Variants in ZNF827 observed in about 807,000 individuals in gnomAD.
ZNF827 encodes zinc finger protein 827.
ZNF827 carries 13 observed loss-of-function variants against 102.4 expected under a neutral mutation model. The ratio of observed to expected loss-of-function variants is 0.13; its 90% CI spans 0.08 to 0.20. The LOEUF (loss-of-function observed/expected upper bound fraction) is 0.20, where lower values mean the gene tolerates loss of function less well. Ranked by LOEUF, ZNF827 falls within the 10% of genes least tolerant of loss-of-function variation. The pLI is 1.00. For missense variants in ZNF827, 1,103 were observed against 1,344.4 expected, an observed-to-expected ratio of 0.82 and a Z score of 2.81; for synonymous variants, 523 against 536.2, an observed-to-expected ratio of 0.98 and a Z score of 0.34.
At chr4:145,897,366 G>A (rs182154086) in intron 2 of ZNF827, among the ~76,000 whole-genome samples, 12 of 152,176 alleles carry the variant, frequency 7.9e-5, no homozygotes, top group African/African-American at 2.4e-4. Context: ...GTGATTTGCA[G>A]CAAGTCAATA....
intron 7 of ZNF827, among the ~76,000 whole-genome samples, chr4:145,833,966 T>C (rs1417442330): frequency 6.6e-6 from 1 of 151,718 alleles, no homozygotes; most frequent in Non-Finnish European, 1.5e-5. Context: ...CTCTACTCTC[T>C]CTTTTCTCTA....
At chr4:145,855,746 T>C (rs1747032691) in intron 5 of ZNF827, among the ~76,000 whole-genome samples, 1 of 152,202 alleles carries the variant, frequency 6.6e-6, no homozygotes. Context: ...ATTACATGTT[T>C]GGCTTCTCCT....
chr4:145,934,760 T>C (rs957538612), intron 1 of ZNF827, among the ~76,000 whole-genome samples: 2 of 152,096 alleles, frequency 1.3e-5, no homozygotes, highest in African/African-American at 4.8e-5. Flanking sequence ...ATCAGAAAAA[T>C]AGATCCAACA....
intron 7 of ZNF827, among the ~76,000 whole-genome samples, chr4:145,838,870 C>T (rs1324453367): frequency 6.6e-6 from 1 of 152,094 alleles, no homozygotes; most frequent in Non-Finnish European, 1.5e-5. Flanking sequence ...TAAAAACAAC[C>T]ATTAAATTTT....
At chr4:145,788,167 T>A (rs1281190692) in intron 8 of ZNF827, among the ~76,000 whole-genome samples, 1 of 152,230 alleles carries the variant, frequency 6.6e-6, no homozygotes, top group African/African-American at 2.4e-5. Flanking sequence ...TAACCATTTT[T>A]TTTTGCTTAG....
chr4:145,937,633 G>A (rs1458059372), intron 1 of ZNF827, among the ~76,000 whole-genome samples: 1 of 144,404 alleles, frequency 6.9e-6, no homozygotes, highest in Non-Finnish European at 1.5e-5. Context: ...GTGTGTACCC[G>A]TGTGTTTGTG....
chr4:145,859,764 C>A (rs1747524506), intron 5 of ZNF827, among the ~76,000 whole-genome samples: 1 of 152,138 alleles, frequency 6.6e-6, no homozygotes, highest in African/African-American at 2.4e-5. Context: ...AGGACGCAAC[C>A]CTTACACTGG....
At chr4:145,805,024 G>C (rs992979633) in intron 8 of ZNF827, among the ~76,000 whole-genome samples, 1 of 152,026 alleles carries the variant, frequency 6.6e-6, no homozygotes, top group Admixed American at 6.6e-5. Context: ...ACAGCCTCTA[G>C]GCATGTTTTG....
intron 5 of ZNF827, among the ~76,000 whole-genome samples, chr4:145,865,206 C>T (rs2126733877): frequency 6.6e-6 from 1 of 152,256 alleles, no homozygotes; most frequent in East Asian, 1.9e-4. Flanking sequence ...ACAGCCAACA[C>T]TATCTTGATT....
chr4:145,767,062 A>G (rs1254731583), intron 11 of ZNF827, among the ~76,000 whole-genome samples: 1 of 152,228 alleles, frequency 6.6e-6, no homozygotes, highest in Non-Finnish European at 1.5e-5. Context: ...ATGTGCAAAA[A>G]GATAAACACA....
intron 5 of ZNF827, among the ~76,000 whole-genome samples, chr4:145,868,819 T>A (rs59115318): frequency 3.4e-4 from 52 of 152,250 alleles, no homozygotes; most frequent in African/African-American, 1.1e-3. Flanking sequence ...GAGACAGGGG[T>A]CACTGTTGGT....
chr4:145,765,775 AT>A lies in ZNF827; in HGVS notation c.2861-38del, dbSNP rs752983831. The A allele has an allele frequency of 4.4e-6, 7 of 1,592,058 alleles. No homozygotes were observed. Among genetic ancestry groups the A allele is most frequent in the Non-Finnish European group, 6.0e-6 (7 of 1,167,698 alleles). On this transcript the variant is annotated intron_variant, in intron 11 of 14. Transcript: ENST00000508784. The surrounding 1 kb of genome is among the most constrained non-coding windows in gnomAD (Gnocchi z 4.7). ...GCAAATAACCCAGTCTGTTAATGAG[AT>A]GAAAATCCTCAGAATTATAGCAACT... is the stretch of plus-strand genomic sequence containing the variant.
chr4:145,888,771 T>G (rs895144466), intron 3 of ZNF827, among the ~76,000 whole-genome samples: 1 of 152,356 alleles, frequency 6.6e-6, no homozygotes, highest in South Asian at 2.1e-4. Context: ...TGAATTCATG[T>G]TGAATTCCTG....
intron 4 of ZNF827, among the ~76,000 whole-genome samples, chr4:145,871,480 A>G (rs1474544142): frequency 6.6e-6 from 1 of 152,124 alleles, no homozygotes; most frequent in Non-Finnish European, 1.5e-5. Context: ...AAAGGAAGAG[A>G]CAAGCACCCT....
At chr4:145,926,786 C>G (rs574905738) in intron 1 of ZNF827, among the ~76,000 whole-genome samples, 3 of 151,968 alleles carry the variant, frequency 2.0e-5, no homozygotes, top group East Asian at 1.9e-4. Context: ...TTATGGAGTA[C>G]GCCCAAGTCA....
chr4:145,795,017 C>T (rs1248518350), intron 8 of ZNF827, among the ~76,000 whole-genome samples: 1 of 152,228 alleles, frequency 6.6e-6, no homozygotes, highest in Non-Finnish European at 1.5e-5. Context: ...ACCTGCCAGA[C>T]CACCCAAGAA....
At position 145,776,077 on chromosome 4, in the gene ZNF827, G is replaced by A. The variant is rs543428718; in HGVS notation, c.2522-117C>T. ...GAATGGTTCAAGTCATATTTCAGATGGAGACAATGGTAATGCCTAGGAATT... is the reference window on the plus strand; with the variant it reads ...GAATGGTTCAAGTCATATTTCAGATAGAGACAATGGTAATGCCTAGGAATT... On this transcript the variant is annotated intron_variant, in intron 9 of 14. Coordinates refer to ENST00000508784, the MANE Select transcript of ZNF827 (RefSeq NM_001306215.2). 1.2e-4 allele frequency: 145 copies of A among 1,172,482 alleles called. 1 individual carries two copies. The South Asian group carries it at 1.9e-3, about 15-fold the overall frequency. The allele number at this position is 1,172,482 out of a possible 1,614,324, so 72.6% of individuals were successfully genotyped here. A position where few individuals can be genotyped will look rare whatever the true frequency, so the allele number is the denominator to read the frequency against.
At chr4:145,804,277 C>T (rs1355159823) in intron 8 of ZNF827, among the ~76,000 whole-genome samples, 1 of 152,234 alleles carries the variant, frequency 6.6e-6, no homozygotes, top group Non-Finnish European at 1.5e-5. Flanking sequence ...TTTGGACTCA[C>T]TCTCTGGCTC....
At chr4:145,782,439 T>C (rs1043438283) in intron 8 of ZNF827, among the ~76,000 whole-genome samples, 1 of 152,184 alleles carries the variant, frequency 6.6e-6, no homozygotes, top group South Asian at 2.1e-4. Context: ...CCAAGTGCCA[T>C]GTGAGAAACT....
Sources: allele counts gnomAD v4.1 joint callset (sites outside exome capture counted in the v4.1 genomes callset), GRCh38; gene constraint gnomAD v4.1.1; non-coding constraint Gnocchi (gnomAD v3.1); transcripts MANE v1.5; gene names NCBI Gene and HGNC (gene_info 2026-07-23, HGNC 2026-07-21).